Variants in HMGB1 observed in about 807,000 individuals in gnomAD.
The protein encoded by HMGB1 is high mobility group box 1, also known as high mobility group protein B1.
For missense variants in HMGB1, 79 were observed against 253.5 expected, an observed-to-expected ratio of 0.31 and a Z score of 4.67; for synonymous variants, 81 against 84.0, an observed-to-expected ratio of 0.96 and a Z score of 0.19.
At chr13:30,475,110 G>A (rs1887054785) in intron 1 of HMGB1, among the ~76,000 whole-genome samples, 1 of 94,896 alleles carries the variant, frequency 1.1e-5, no homozygotes, top group African/African-American at 4.3e-5. Context: ...GTGCAACCTT[G>A]GCTCACTGTC....
intron 3 of HMGB1, 41 bp downstream of exon 3, chr13:30,463,151 CTCTCAGATTCTACTG>C: frequency 6.5e-7 from 1 of 1,538,094 alleles, no homozygotes. Context: ...TGCTAAATTT[CTCTCAGATTCTACTG>C]TAAAACGTGT....
At chr13:30,593,513 T>C (rs1453818102) in intron 1 of HMGB1, among the ~76,000 whole-genome samples, 2 of 152,224 alleles carry the variant, frequency 1.3e-5, no homozygotes, top group African/African-American at 2.4e-5. Flanking sequence ...AAGACATTTC[T>C]TGATTTTTGA....
In HMGB1 at chr13:30,475,139, T is replaced by TCTC. The variant is rs1491566645; in HGVS notation, c.-14-11446_-14-11445insGAG. ...CACTGTCTCTCTCTCTCTCTCTCTCTTTTTTTTTTTTTTTTTTTTTGAGAC... is the reference window on the plus strand; with the variant it reads ...CACTGTCTCTCTCTCTCTCTCTCTCTCTCTTTTTTTTTTTTTTTTTTTTGAGAC... On this transcript the variant is annotated intron_variant, in intron 1 of 4. Coordinates refer to the HMGB1 transcript ENST00000405805. 1.2e-3 allele frequency among the ~76,000 whole-genome samples: 25 copies of TCTC among 20,610 alleles called. No individual in the cohort carries two copies. In the East Asian group the frequency reaches 0.04, roughly 33 times the overall value. 13.5% of individuals were successfully genotyped at this position (20,610 alleles called of 152,430 possible). A position where few individuals can be genotyped will look rare whatever the true frequency, so the allele number is the denominator to read the frequency against.
intron 1 of HMGB1, among the ~76,000 whole-genome samples, chr13:30,530,867 C>T (rs961781712): frequency 3.3e-5 from 5 of 151,918 alleles, no homozygotes; most frequent in African/African-American, 4.8e-5. Context: ...GCCAACATAA[C>T]GAAATCCTGT....
At chr13:30,583,648 G>C (rs1264381929) in intron 1 of HMGB1, among the ~76,000 whole-genome samples, 1 of 148,072 alleles carries the variant, frequency 6.8e-6, no homozygotes, top group South Asian at 2.2e-4. Context: ...AGACCATCCT[G>C]GCCAACATGG....
chr13:30,480,166 A>C (rs1431401485), intron 1 of HMGB1, among the ~76,000 whole-genome samples: 2 of 152,274 alleles, frequency 1.3e-5, no homozygotes, highest in Admixed American at 6.5e-5. Context: ...GATTTTCTAC[A>C]TATAACCAGA....
chr13:30,462,413 G>C (rs4483702), intron 4 of HMGB1, 125 bp downstream of exon 4: 3 of 821,874 alleles, frequency 3.7e-6, no homozygotes, highest in African/African-American at 1.7e-5. Flanking sequence ...TGAAGGATGA[G>C]GACTTATATC....
intron 1 of HMGB1, among the ~76,000 whole-genome samples, chr13:30,473,756 A>G (rs1014709772): frequency 4.6e-5 from 7 of 152,226 alleles, no homozygotes; most frequent in Non-Finnish European, 8.8e-5. Flanking sequence ...ACTCCTAGGT[A>G]TATACCCAAA....
At chr13:30,561,007 A>C (rs567220610) in intron 1 of HMGB1, among the ~76,000 whole-genome samples, 2 of 152,132 alleles carry the variant, frequency 1.3e-5, no homozygotes, top group Non-Finnish European at 2.9e-5. Flanking sequence ...AAGAAGAGTC[A>C]GATGAGGATA....
chr13:30,547,380 T>C (rs1208617677), intron 1 of HMGB1, among the ~76,000 whole-genome samples: 1 of 152,216 alleles, frequency 6.6e-6, no homozygotes, highest in East Asian at 1.9e-4. Context: ...CAAAACCTCA[T>C]GAACAAAACA....
rs1950402455 is a variant in HMGB1 at position 30,601,659 on chromosome 13, T to C, written c.-15+15012A>G. Among the ~76,000 whole-genome samples, 3 of 67,320 alleles carry C rather than the reference T, an allele frequency of 4.5e-5. 1 individual carries two copies. Among genetic ancestry groups the C allele is most frequent in the Admixed American group, 4.3e-4 (3 of 6,978 alleles). 44.2% of individuals were successfully genotyped at this position (67,320 alleles called of 152,430 possible). On this transcript the variant is annotated intron_variant, in intron 1 of 4. Coordinates refer to the HMGB1 transcript ENST00000405805. The stretch of plus-strand genomic sequence containing the variant: ...TACTTGGGAGGCTGAGGCAGGAGAA[T>C]GGCGTGAACCCGGGAGGCGGAGCTT...
intron 1 of HMGB1, among the ~76,000 whole-genome samples, chr13:30,614,817 G>C (rs1950545087): frequency 6.6e-6 from 1 of 151,798 alleles, no homozygotes; most frequent in Non-Finnish European, 1.5e-5. Context: ...CCCTGCCTTA[G>C]CCTCCCGAGT....
In HMGB1 at chr13:30,461,310, G is replaced by C; in HGVS notation, c.*47C>G. The C allele has an allele frequency of 6.6e-7, 1 of 1,520,126 alleles. No homozygotes were observed. Among genetic ancestry groups the C allele is most frequent in the Non-Finnish European group, 8.8e-7 (1 of 1,141,766 alleles). 94.2% of individuals were successfully genotyped at this position (1,520,126 alleles called of 1,614,324 possible). On this transcript the variant is annotated 3_prime_UTR_variant, in exon 5 of 5. Transcript: ENST00000341423. ...AAAGGAGTGAGTTGTGTACAGGGGG[G>C]TTAAATGCTTTATAGACAAGAAAAA...
At chr13:30,539,698 C>A in intron 1 of HMGB1, 1 of 214,838 alleles carries the variant, frequency 4.7e-6, no homozygotes, top group South Asian at 8.5e-5. Context: ...TGTGTAGCCC[C>A]AAACCTGATA....
At chr13:30,597,308 T>C (rs1871659296) in intron 1 of HMGB1, among the ~76,000 whole-genome samples, 1 of 152,144 alleles carries the variant, frequency 6.6e-6, no homozygotes, top group Admixed American at 6.6e-5. Flanking sequence ...GCGGTACATC[T>C]ACAAGCCAAG....
chr13:30,554,927 G>A (rs1869610505), intron 1 of HMGB1, among the ~76,000 whole-genome samples: 1 of 151,562 alleles, frequency 6.6e-6, no homozygotes, highest in Admixed American at 6.6e-5. Flanking sequence ...TAACCTTCTA[G>A]ATTGCCTCAC....
chr13:30,497,043 A>C (rs562929983), intron 1 of HMGB1, among the ~76,000 whole-genome samples: 2 of 152,244 alleles, frequency 1.3e-5, no homozygotes, highest in Non-Finnish European at 2.9e-5. Context: ...CTTCAATTAT[A>C]AACTGAGACC....
intron 1 of HMGB1, among the ~76,000 whole-genome samples, chr13:30,472,703 A>G (rs1378998133): frequency 1.3e-5 from 2 of 152,200 alleles, no homozygotes; most frequent in Non-Finnish European, 2.9e-5. Context: ...TCCCAATGCA[A>G]TGAGTCCTAA....
intron 1 of HMGB1, chr13:30,554,009 C>T (rs1409330617): frequency 6.7e-7 from 1 of 1,482,500 alleles, no homozygotes; most frequent in Non-Finnish European, 9.4e-7. Context: ...TTGTGCTGAA[C>T]CGCATTGTGG....
Sources: gnomAD v4.1 joint callset for allele counts (sites outside exome capture counted in the v4.1 genomes callset) on GRCh38, gnomAD v4.1.1 for gene constraint, MANE v1.5 for transcripts, NCBI Gene and HGNC (gene_info 2026-07-23, HGNC 2026-07-21) for gene names.